LNX1: variants seen among roughly 807,000 people sequenced by gnomAD.
The protein encoded by LNX1 is E3 ubiquitin-protein ligase LNX.
In LNX1, 54 loss-of-function variants were observed where a neutral mutation model predicts 68.4. The observed-to-expected ratio is 0.79, with a 90% CI of 0.63 to 0.99. The LOEUF (loss-of-function observed/expected upper bound fraction) is 0.99. LNX1 is among the 50% of genes least tolerant of loss of function. LNX1 has a pLI of 0.00. For missense variants in LNX1, 906 were observed against 926.4 expected (o/e 0.98, Z 0.29); for synonymous variants, 336 against 350.0 (o/e 0.96, Z 0.45).
chr4:53,549,118 T>C (rs1560659300), intron 2 of LNX1, among the ~76,000 whole-genome samples: 1 of 152,130 alleles, frequency 6.6e-6, no homozygotes, highest in Non-Finnish European at 1.5e-5. Flanking sequence ...CCCCATGACA[T>C]GTATTTACCT....
intron 2 of LNX1, among the ~76,000 whole-genome samples, chr4:53,520,579 C>A (rs1451843952): frequency 6.6e-6 from 1 of 152,186 alleles, no homozygotes; most frequent in African/African-American, 2.4e-5. Flanking sequence ...TCTGTCCATG[C>A]ATTCAAGTGT....
chr4:53,483,861 A>G (rs1179269337), intron 6 of LNX1, among the ~76,000 whole-genome samples: 1 of 152,190 alleles, frequency 6.6e-6, no homozygotes, highest in Non-Finnish European at 1.5e-5. Context: ...TGGTGGAGAT[A>G]TTTTCTTCCT....
At chr4:53,483,215 T>A (rs1050201275) in intron 6 of LNX1, among the ~76,000 whole-genome samples, 1 of 152,210 alleles carries the variant, frequency 6.6e-6, no homozygotes, top group African/African-American at 2.4e-5. Flanking sequence ...CAGGCTCTCT[T>A]GTCTGCCACC....
rs1429239512 is a variant in LNX1, at chr4:53,459,811, T to C, written c.*1096A>G. ...TTTTGTTAATCAAACACCACTCTCT[T>C]AAGAGGCTGCATCACAAAAGGCAAC... is the stretch of plus-strand genomic sequence containing the variant. On this transcript the variant is annotated 3_prime_UTR_variant, in exon 11 of 11. Transcript: ENST00000263925. 6.7e-6 allele frequency: 2 copies of C among 300,678 alleles called. No homozygotes were observed. Among genetic ancestry groups the C allele is most frequent in the Non-Finnish European group, 1.2e-5 (2 of 160,002 alleles). 18.6% of individuals were successfully genotyped at this position (300,678 alleles called of 1,614,324 possible). A position where few individuals can be genotyped will look rare whatever the true frequency, so the allele number is the denominator to read the frequency against.
chr4:53,627,257 T>C (rs1734111463), intron 1 of LNX1, among the ~76,000 whole-genome samples: 1 of 152,140 alleles, frequency 6.6e-6, no homozygotes, highest in Admixed American at 6.6e-5. Flanking sequence ...ACCTTGGAGG[T>C]TCCCTGTTCA....
At chr4:53,476,504 G>A (rs1182204307) in intron 9 of LNX1, among the ~76,000 whole-genome samples, 2 of 152,154 alleles carry the variant, frequency 1.3e-5, no homozygotes, top group African/African-American at 2.4e-5. Flanking sequence ...GTACATGGCA[G>A]TCCTGTGAGC....
intron 1 of LNX1, among the ~76,000 whole-genome samples, chr4:53,624,296 G>A (rs546161669): frequency 3.3e-5 from 5 of 152,136 alleles, no homozygotes; most frequent in Non-Finnish European, 7.3e-5. Flanking sequence ...AAGGGATCTG[G>A]TGGGAGATAA....
In LNX1 at chr4:53,471,918, A is replaced by G. The variant is rs1441574422; in HGVS notation, c.1892+4835T>C. On this transcript the variant is annotated intron_variant, in intron 9 of 10. Coordinates refer to ENST00000263925, the MANE Select transcript of LNX1 (RefSeq NM_001126328.3). ...TGTAAACTAGTTCAACCATTGTGGA[A>G]GTCAGTGTGGCGATTCCTCAGGGAT... Among the ~76,000 whole-genome samples, 20 of 152,332 alleles carry G rather than the reference A, an allele frequency of 1.3e-4. No homozygotes were observed. In the East Asian group the frequency reaches 3.1e-3, roughly 23 times the overall value.
chr4:53,552,998 G>A lies in LNX1; in HGVS notation c.380+20625C>T, dbSNP rs115451817. Among the ~76,000 whole-genome samples, 1,417 of 152,236 alleles carry A rather than the reference G, an allele frequency of 9.3e-3. 16 individuals are homozygous for A. Among genetic ancestry groups the A allele is most frequent in the African/African-American group, 0.032 (1,331 of 41,542 alleles). ...ATGAGCAAGGTCAATATTCCCTTCC[G>A]TAGAAACCAACCAGGGTCTTCTTTA... On this transcript the variant is annotated intron_variant, in intron 2 of 10. Transcript: ENST00000263925.
Position 53,526,642 on chromosome 4 carries a change from TTC to T in LNX1, c.381-18417_381-18416del, listed in dbSNP as rs371530157. Among the ~76,000 whole-genome samples, 276 of 151,646 alleles carry T rather than the reference TTC, an allele frequency of 1.8e-3. 1 individual carries two copies. The highest frequency in any genetic ancestry group is 6.0e-3 in the African/African-American group (249 of 41,332). ...CATGTAATCTAGTATCTGCTTGAAA[TTC>T]TCTTTTTTCTGCTCAACAATACCCT... is the stretch of plus-strand genomic sequence containing the variant. On this transcript the variant is annotated intron_variant, in intron 2 of 10. Transcript: ENST00000263925.
intron 9 of LNX1, among the ~76,000 whole-genome samples, chr4:53,464,588 A>G (rs1205208443): frequency 1.6e-5 from 2 of 124,396 alleles, no homozygotes; most frequent in African/African-American, 5.9e-5. Context: ...CCGAGTCCCC[A>G]TATTAAATGT....
chr4:53,460,939 T>TTAGAG lies in LNX1; in HGVS notation c.2150_2154dup (p.Thr719LeufsTer2), dbSNP rs1560602656. 6.2e-7 allele frequency: 1 copy of TTAGAG among 1,610,898 alleles called. No individual in the cohort carries two copies. Among genetic ancestry groups the TTAGAG allele is most frequent in the Non-Finnish European group, 8.5e-7 (1 of 1,178,654 alleles). Reference sequence around the variant, plus strand: ...AAAGTGCCAGGCCAAGAAACAATAGTTAGAGTAATTCTTCCTTTAAGTTCT... The same window carrying TTAGAG: ...AAAGTGCCAGGCCAAGAAACAATAGTTAGAGTAGAGTAATTCTTCCTTTAAGTTCT... On this transcript the variant is annotated frameshift_variant, in exon 11 of 11. Coordinates refer to ENST00000263925, the MANE Select transcript of LNX1 (RefSeq NM_001126328.3). LOFTEE classifies it high-confidence loss of function.
At chr4:53,478,435 T>C (rs1041242645) in intron 8 of LNX1, 130 bp downstream of exon 8, 2 of 778,330 alleles carry the variant, frequency 2.6e-6, no homozygotes, top group African/African-American at 3.6e-5. Context: ...TCATGGTCAA[T>C]GGGTAACAAA....
At chr4:53,553,250 C>A (rs1020656417) in intron 2 of LNX1, among the ~76,000 whole-genome samples, 2 of 152,076 alleles carry the variant, frequency 1.3e-5, no homozygotes, top group African/African-American at 2.4e-5. Flanking sequence ...AGTTGGCTTT[C>A]CAGCTGGAGT....
chr4:53,466,377 G>A (rs535406602), intron 9 of LNX1, among the ~76,000 whole-genome samples: 5 of 152,270 alleles, frequency 3.3e-5, no homozygotes, highest in South Asian at 2.1e-4. Context: ...GAAGACAGCC[G>A]AATAGGAACA....
chr4:53,513,715 G>T (rs895681151), intron 2 of LNX1, among the ~76,000 whole-genome samples: 33 of 152,088 alleles, frequency 2.2e-4, no homozygotes, highest in Non-Finnish European at 1.9e-4. Flanking sequence ...CCACCATACT[G>T]GTCCAAGCCA....
intron 6 of LNX1, among the ~76,000 whole-genome samples, chr4:53,484,260 A>T (rs1166797114): frequency 1.3e-4 from 20 of 152,172 alleles, no homozygotes; most frequent in Admixed American, 1.3e-3. Flanking sequence ...TTCCCAGAGC[A>T]CACAACTCAC....
chr4:53,563,001 T>G (rs1467105045), intron 2 of LNX1, among the ~76,000 whole-genome samples: 2 of 152,134 alleles, frequency 1.3e-5, no homozygotes, highest in Admixed American at 6.5e-5. Flanking sequence ...GGTCAGGAGA[T>G]CGAGACCATT....
intron 2 of LNX1, among the ~76,000 whole-genome samples, chr4:53,607,295 C>A (rs1733272390): frequency 6.6e-6 from 1 of 152,176 alleles, no homozygotes; most frequent in African/African-American, 2.4e-5. Context: ...ACAAAAATCA[C>A]TAGCATTTTG....
Sources: gnomAD v4.1 joint callset for allele counts (sites outside exome capture counted in the v4.1 genomes callset) on GRCh38, gnomAD v4.1.1 for gene constraint, MANE v1.5 for transcripts, NCBI Gene and HGNC (gene_info 2026-07-23, HGNC 2026-07-21) for gene names.